USP33: variants seen among roughly 807,000 people sequenced by gnomAD.
USP33 encodes ubiquitin specific peptidase 33, also known as ubiquitin carboxyl-terminal hydrolase 33.
Under a neutral mutation model 124.2 loss-of-function variants are expected in USP33, and 46 were observed. The observed-to-expected ratio is 0.37, with a 90% CI of 0.29 to 0.47. The LOEUF is 0.47. Among genes scored for constraint, USP33 ranks in the 20% least tolerant of loss-of-function variants. The probability of loss-of-function intolerance (pLI) is 0.99; values close to 1 mark genes in which losing one functional copy is unlikely to be tolerated. For missense variants in USP33, 851 were observed against 1,070.6 expected, an observed-to-expected ratio of 0.79 and a Z score of 2.86; for synonymous variants, 350 against 352.3, an observed-to-expected ratio of 0.99 and a Z score of 0.07.
At chr1:77,758,303 C>A (rs1264661512) in intron 1 of USP33, among the ~76,000 whole-genome samples, 2 of 151,096 alleles carry the variant, frequency 1.3e-5, no homozygotes, top group African/African-American at 4.9e-5. Context: ...GCCTCAGCCT[C>A]CCAAGTAGCT....
chr1:77,698,594 A>G (rs1168480040), intron 22 of USP33, among the ~76,000 whole-genome samples: 1 of 139,444 alleles, frequency 7.2e-6, no homozygotes, highest in Non-Finnish European at 1.5e-5. Flanking sequence ...TCCGCCTCCC[A>G]GGTTCATGCC....
intron 1 of USP33, among the ~76,000 whole-genome samples, chr1:77,748,652 A>G (rs1679973488): frequency 6.6e-6 from 1 of 150,688 alleles, no homozygotes; most frequent in South Asian, 2.1e-4. Flanking sequence ...CTGGCGACAC[A>G]GCGAGACTCC....
At chr1:77,743,468 A>T (rs1397959055) in intron 1 of USP33, among the ~76,000 whole-genome samples, 1 of 152,164 alleles carries the variant, frequency 6.6e-6, no homozygotes, top group African/African-American at 2.4e-5. Flanking sequence ...TAGGGTTAAT[A>T]GTGCAAACAT....
At chr1:77,753,419 C>G (rs1371113974) in intron 1 of USP33, among the ~76,000 whole-genome samples, 2 of 151,716 alleles carry the variant, frequency 1.3e-5, no homozygotes, top group Non-Finnish European at 2.9e-5. Context: ...GATACCCACC[C>G]CCCATCTTTA....
At chr1:77,709,213 G>A (rs765156083) in intron 21 of USP33, among the ~76,000 whole-genome samples, 5 of 152,012 alleles carry the variant, frequency 3.3e-5, no homozygotes, top group Non-Finnish European at 4.4e-5. Flanking sequence ...ATATGTTACT[G>A]TAATTTATTT....
At position 77,739,357 on chromosome 1, in the gene USP33, T is replaced by C; in HGVS notation, c.259A>G (p.Ser87Gly). Residue 87 changes from serine to glycine, a missense_variant, in exon 5 of 24, where the codon AGC (serine) becomes GGC (glycine). This residue lies in a region of USP33 where 221 missense variants were observed against 302.9 expected (regional missense o/e 0.73). Transcript: ENST00000370794. ...TTLRVWCYAC[S>G]KEVFLDRKLG... is the part of the protein sequence containing the mutation. The stretch of plus-strand genomic sequence containing the variant: ...TTCCTATCCAAAAATACTTCTTTGC[T>C]GCAAGCATAACACCATACTCGAAGA... 1 of 1,613,946 alleles carries C rather than the reference T, an allele frequency of 6.2e-7. No individual in the cohort carries two copies. Among genetic ancestry groups the C allele is most frequent in the South Asian group, 1.1e-5 (1 of 91,036 alleles).
intron 1 of USP33, among the ~76,000 whole-genome samples, chr1:77,757,498 A>C (rs956929874): frequency 2.0e-5 from 3 of 152,228 alleles, no homozygotes; most frequent in Non-Finnish European, 4.4e-5. Context: ...CACTCTTTGG[A>C]GTTTTCCCAC....
intron 11 of USP33, among the ~76,000 whole-genome samples, chr1:77,724,933 T>C (rs1360475325): frequency 6.6e-6 from 1 of 152,024 alleles, no homozygotes; most frequent in Non-Finnish European, 1.5e-5. Flanking sequence ...TCCCAGCTAC[T>C]CGGGAGGCTG....
intron 21 of USP33, among the ~76,000 whole-genome samples, chr1:77,702,159 AAAAAAAAAAAAAAAAAAAC>A (rs1281696235): frequency 7.1e-6 from 1 of 140,370 alleles, no homozygotes; most frequent in Non-Finnish European, 1.5e-5. Context: ...AAAAAAAAAA[AAAAAAAAAAAAAAAAAAAC>A]CAGTGGTACA....
intron 1 of USP33, among the ~76,000 whole-genome samples, chr1:77,744,255 A>G (rs1041495859): frequency 5.9e-5 from 9 of 152,196 alleles, no homozygotes; most frequent in Admixed American, 1.3e-4. Context: ...AAAAATCACA[A>G]TAACTGGCAT....
chr1:77,710,417 A>G (rs1446609750), intron 21 of USP33, among the ~76,000 whole-genome samples: 1 of 152,200 alleles, frequency 6.6e-6, no homozygotes, highest in Non-Finnish European at 1.5e-5. Flanking sequence ...AAATACTTAG[A>G]ATAGCTACTA....
intron 1 of USP33, among the ~76,000 whole-genome samples, chr1:77,751,493 A>C (rs577639450): frequency 2.0e-4 from 30 of 151,998 alleles, no homozygotes; most frequent in Non-Finnish European, 2.9e-4. Context: ...TCTCTACCCC[A>C]AAAAAATACA....
intron 18 of USP33, 148 bp downstream of exon 18, chr1:77,715,594 T>C: frequency 1.2e-6 from 1 of 844,066 alleles, no homozygotes; most frequent in Non-Finnish European, 1.8e-6. Context: ...ATTCTACATA[T>C]ACAGCCTTTC....
intron 19 of USP33, among the ~76,000 whole-genome samples, 186 bp downstream of exon 19, chr1:77,714,428 T>C (rs369237008): frequency 1.3e-5 from 2 of 152,268 alleles, no homozygotes; most frequent in African/African-American, 4.8e-5. Flanking sequence ...ATAAAGAAGC[T>C]AGAGATTACC....
At chr1:77,713,707 G>A (rs1053312628) in intron 19 of USP33, among the ~76,000 whole-genome samples, 2 of 151,724 alleles carry the variant, frequency 1.3e-5, no homozygotes, top group African/African-American at 2.4e-5. Flanking sequence ...ATTTTTTTGA[G>A]TCAAGGTCTC....
chr1:77,754,234 C>T (rs1680602578), intron 1 of USP33, among the ~76,000 whole-genome samples: 1 of 152,186 alleles, frequency 6.6e-6, no homozygotes, highest in South Asian at 2.1e-4. Context: ...ATTGATTTGT[C>T]TTTCAACAGT....
intron 18 of USP33, 67 bp downstream of exon 18, chr1:77,715,675 C>T: frequency 6.4e-7 from 1 of 1,559,450 alleles, no homozygotes; most frequent in Non-Finnish European, 8.7e-7. Flanking sequence ...ATTAGAATGT[C>T]TTAGAAGTCA....
chr1:77,719,500 T>C (rs1339212521), intron 15 of USP33, among the ~76,000 whole-genome samples: 2 of 152,140 alleles, frequency 1.3e-5, no homozygotes, highest in African/African-American at 4.8e-5. Context: ...ATCTAGATAT[T>C]AAGTAAAACC....
intron 1 of USP33, among the ~76,000 whole-genome samples, chr1:77,743,076 G>A (rs941895245): frequency 1.3e-5 from 2 of 151,876 alleles, no homozygotes; most frequent in Non-Finnish European, 2.9e-5. Context: ...CCGAGTAGCT[G>A]GGATTACAGG....
Sources: gnomAD v4.1 joint callset for allele counts (sites outside exome capture counted in the v4.1 genomes callset) on GRCh38, gnomAD v4.1.1 for gene constraint, gnomAD v4.1.1 regional missense constraint, MANE v1.5 for transcripts, NCBI Gene and HGNC (gene_info 2026-07-23, HGNC 2026-07-21) for gene names.